The following INPP5A variants were observed in gnomAD, a reference collection of about 807,000 sequenced individuals.
The protein encoded by INPP5A is 43 kDa inositol polyphosphate 5-phophatase.
In INPP5A, 14 loss-of-function variants were observed where a neutral mutation model predicts 65.2. That is an observed-to-expected ratio of 0.21 (90% CI 0.14 to 0.34). The LOEUF (loss-of-function observed/expected upper bound fraction) is 0.34, where lower values mean the gene tolerates loss of function less well. Ranked by LOEUF, INPP5A falls within the 10% of genes least tolerant of loss-of-function variation. The pLI is 1.00. For synonymous variants in INPP5A, 207 were observed against 208.3 expected, an observed-to-expected ratio of 0.99 and a Z score of 0.05; for missense variants, 431 against 545.6, an observed-to-expected ratio of 0.79 and a Z score of 2.09.
At chr10:132,614,364 G>A (rs1312635612) in intron 2 of INPP5A, among the ~76,000 whole-genome samples, 1 of 152,206 alleles carries the variant, frequency 6.6e-6, no homozygotes, top group Non-Finnish European at 1.5e-5. Context: ...CTACTTGGGA[G>A]GCTGAGGCAG....
intron 1 of INPP5A, among the ~76,000 whole-genome samples, chr10:132,539,935 C>T (rs909031287): frequency 6.6e-6 from 1 of 152,156 alleles, no homozygotes; most frequent in South Asian, 2.1e-4. Context: ...TTATACTGAC[C>T]TGCTGGGGAG....
chr10:132,702,604 A>G (rs1845454188), intron 6 of INPP5A, among the ~76,000 whole-genome samples: 1 of 152,260 alleles, frequency 6.6e-6, no homozygotes, highest in Non-Finnish European at 1.5e-5. Context: ...TGTACCTGTC[A>G]GAATTCAGAG....
chr10:132,548,859 C>T lies in INPP5A; in HGVS notation c.75+10688C>T, dbSNP rs539196854. Among the ~76,000 whole-genome samples the T allele has an allele frequency of 2.1e-5, 3 of 145,128 alleles. No individual in the cohort carries two copies. In the South Asian group the frequency reaches 6.5e-4, roughly 32 times the overall value. On this transcript the variant is annotated intron_variant, in intron 1 of 15. Transcript: ENST00000368594. ...CCACCTAGGCTGGAGTGCGGTGGCG[C>T]AGTCACCACTCACCGAAGCCTCAAA...
Position 132,749,833 on chromosome 10 carries a change from C to G in INPP5A, c.891C>G (p.Asn297Lys). Residue 297 changes from asparagine (N) to lysine (K), a missense_variant, in exon 11 of 16, where the codon AAC (asparagine) becomes AAG (lysine). Transcript: ENST00000368594. ...TCAACCAGGAGGTTTTCCGAGACAA[C>G]AACGGCACCGCGGTGAGTTTGTGGT... ...DYFNQEVFRD[N>K]NGTALLEFDK... is the part of the protein sequence containing the mutation. 6.2e-7 allele frequency: 1 copy of G among 1,613,170 alleles called. No homozygotes were observed. The highest frequency in any genetic ancestry group is 8.5e-7 in the Non-Finnish European group (1 of 1,179,922).
rs1461349596 is a variant in INPP5A at position 132,596,944 on chromosome 10, CGT to C, written c.76-10965_76-10964del. Among the ~76,000 whole-genome samples, 148 of 125,752 alleles carry C rather than the reference CGT, an allele frequency of 1.2e-3. 2 individuals are homozygous for C. The highest frequency in any genetic ancestry group is 4.8e-3 in the African/African-American group (143 of 29,790). The allele number at this position is 125,752 out of a possible 152,430, so 82.5% of individuals were successfully genotyped here. ...GTGCGCGCATGTGCACGCATGTGTGCGTGTGTGCACACATGTGTGCGTGTGTG... is the reference window on the plus strand; with the variant it reads ...GTGCGCGCATGTGCACGCATGTGTGCGTGTGCACACATGTGTGCGTGTGTG... On this transcript the variant is annotated intron_variant, in intron 1 of 15. Coordinates refer to ENST00000368594, the MANE Select transcript of INPP5A (RefSeq NM_005539.5).
chr10:132,664,942 T>C (rs1481649296), intron 4 of INPP5A, among the ~76,000 whole-genome samples: 1 of 152,164 alleles, frequency 6.6e-6, no homozygotes, highest in Non-Finnish European at 1.5e-5. Flanking sequence ...GTAGGCTTGT[T>C]GGGGTGGCTC....
At chr10:132,602,976 T>C (rs532978282) in intron 1 of INPP5A, among the ~76,000 whole-genome samples, 2 of 152,382 alleles carry the variant, frequency 1.3e-5, no homozygotes, top group South Asian at 2.1e-4. Flanking sequence ...TCAAGTCTTA[T>C]GTTCATATCT....
intron 4 of INPP5A, among the ~76,000 whole-genome samples, chr10:132,684,432 A>G (rs746288105): frequency 7.9e-5 from 12 of 151,814 alleles, no homozygotes; most frequent in East Asian, 1.9e-4. Context: ...ATGTTTGTCT[A>G]TAGTGTATAT....
intron 12 of INPP5A, among the ~76,000 whole-genome samples, chr10:132,777,413 A>G (rs1847082852): frequency 6.6e-6 from 1 of 152,234 alleles, no homozygotes; most frequent in African/African-American, 2.4e-5. Context: ...CTCAACAGAC[A>G]ATTTCATGCA....
At chr10:132,640,597 CCT>C (rs2072413992) in intron 2 of INPP5A, among the ~76,000 whole-genome samples, 1 of 152,256 alleles carries the variant, frequency 6.6e-6, no homozygotes, top group Non-Finnish European at 1.5e-5. Context: ...TGCCTGTCTG[CCT>C]CTCTTTACCT....
At chr10:132,639,174 C>T (rs1252470775) in intron 2 of INPP5A, among the ~76,000 whole-genome samples, 1 of 152,208 alleles carries the variant, frequency 6.6e-6, no homozygotes, top group Non-Finnish European at 1.5e-5. Flanking sequence ...TCATTCCCCT[C>T]CAGCCCTGCC....
intron 12 of INPP5A, among the ~76,000 whole-genome samples, chr10:132,775,266 G>C (rs1033647760): frequency 2.6e-5 from 4 of 151,700 alleles, no homozygotes; most frequent in Non-Finnish European, 4.4e-5. Flanking sequence ...ACAGGAGTAC[G>C]ATTGTTCGCC....
Position 132,538,438 on chromosome 10 carries a change from T to C in INPP5A, c.75+267T>C, listed in dbSNP as rs1395102350. ...TCCTCCAGACTCCAGCAGCTGACCGTTGACCCTGGGACCCTGCCTCTGAAC... is the reference window on the plus strand; with the variant it reads ...TCCTCCAGACTCCAGCAGCTGACCGCTGACCCTGGGACCCTGCCTCTGAAC... On this transcript the variant is annotated intron_variant, in intron 1 of 15. Transcript: ENST00000368594. The surrounding 1 kb of genome is among the most constrained non-coding windows in gnomAD (Gnocchi z 4.1). 6.6e-6 allele frequency among the ~76,000 whole-genome samples: 1 copy of C among 152,124 alleles called. No homozygotes were observed. Among genetic ancestry groups the C allele is most frequent in the Non-Finnish European group, 1.5e-5 (1 of 68,016 alleles).
At chr10:132,557,888 G>A (rs938234350) in intron 1 of INPP5A, among the ~76,000 whole-genome samples, 1 of 152,178 alleles carries the variant, frequency 6.6e-6, no homozygotes, top group Non-Finnish European at 1.5e-5. Context: ...GTGACGCCAG[G>A]CTGGACAGAG....
At chr10:132,713,090 ATG>A (rs1313340529) in intron 8 of INPP5A, among the ~76,000 whole-genome samples, 5 of 148,902 alleles carry the variant, frequency 3.4e-5, no homozygotes, top group Non-Finnish European at 7.4e-5. Flanking sequence ...TGGGTTGGAT[ATG>A]TGTGCAGGTA....
At chr10:132,646,083 G>A (rs2072490393) in intron 3 of INPP5A, 115 bp downstream of exon 3, 1 of 690,388 alleles carries the variant, frequency 1.4e-6, no homozygotes, top group Non-Finnish European at 2.6e-6. Context: ...CTCACCTGGG[G>A]GTCATCTTGG....
At position 132,698,715 on chromosome 10, in the gene INPP5A, C is replaced by A. The variant is rs1590933960; in HGVS notation, c.474+796C>A. ...GGCACTGAGACGGAAGAGCTGGCAG[C>A]TGGACGCAGGTTTGGGGGCGTCCAG... is the stretch of plus-strand genomic sequence containing the variant. On this transcript the variant is annotated intron_variant, in intron 6 of 15. Coordinates refer to ENST00000368594, the MANE Select transcript of INPP5A (RefSeq NM_005539.5). The surrounding 1 kb of genome is among the most constrained non-coding windows in gnomAD (Gnocchi z 5.5). 6.6e-6 allele frequency among the ~76,000 whole-genome samples: 1 copy of A among 152,296 alleles called. No individual in the cohort carries two copies. The highest frequency in any genetic ancestry group is 1.9e-4 in the East Asian group (1 of 5,162).
Position 132,663,502 on chromosome 10 carries a change from C to T in INPP5A, c.306+12997C>T, listed in dbSNP as rs781335848. 3.3e-5 allele frequency among the ~76,000 whole-genome samples: 5 copies of T among 152,162 alleles called. No individual in the cohort carries two copies. Among genetic ancestry groups the T allele is most frequent in the East Asian group, 3.9e-4 (2 of 5,184 alleles). ...TCTCAAAGTGCTGGGATTACAGGTG[C>T]GAACCACTGTGCCCTGCCAAAAAGA... On this transcript the variant is annotated intron_variant, in intron 4 of 15. Transcript: ENST00000368594. This position sits in a 1 kb window ranked among gnomAD's most constrained non-coding sequence, Gnocchi z 4.5.
At chr10:132,591,072 T>G (rs933793126) in intron 1 of INPP5A, among the ~76,000 whole-genome samples, 1 of 152,262 alleles carries the variant, frequency 6.6e-6, no homozygotes, top group Non-Finnish European at 1.5e-5. Flanking sequence ...TTGGGGATCT[T>G]CTGTGACTCC....
Sources: allele counts gnomAD v4.1 joint callset (sites outside exome capture counted in the v4.1 genomes callset), GRCh38; gene constraint gnomAD v4.1.1; non-coding constraint Gnocchi (gnomAD v3.1); transcripts MANE v1.5; gene names NCBI Gene and HGNC (gene_info 2026-07-23, HGNC 2026-07-21).